The following HES2 variants were observed in gnomAD, a reference collection of about 807,000 sequenced individuals.
The protein encoded by HES2 is hes family bHLH transcription factor 2.
In HES2, 11 loss-of-function variants were observed where a neutral mutation model predicts 11.9. The ratio of observed to expected loss-of-function variants is 0.92; its 90% CI spans 0.58 to 1.53. The LOEUF (loss-of-function observed/expected upper bound fraction) is 1.53, where lower values mean the gene tolerates loss of function less well. Among genes scored for constraint, HES2 ranks in the 40% most tolerant of loss-of-function variants. The pLI, the probability that HES2 is intolerant of heterozygous loss-of-function variation, is 0.00. For missense variants in HES2, 260 were observed against 253.8 expected (o/e 1.02, Z -0.16); for synonymous variants, 125 against 122.8 (o/e 1.02, Z -0.12).
rs1642843294 is a variant in HES2, at chr1:6,416,005, T to G, written c.*2868A>C. ...GTTGGTCAGGCTGGTCTTGAACTCC[T>G]GACCTCAGGTGATCCGCCCACCTTG... is the stretch of plus-strand genomic sequence containing the variant. On this transcript the variant is annotated 3_prime_UTR_variant, in exon 4 of 4. Coordinates refer to ENST00000377834, the MANE Select transcript of HES2 (RefSeq NM_019089.5). 1 of 152,286 alleles carries G rather than the reference T, an allele frequency of 6.6e-6. No homozygotes were observed. Among genetic ancestry groups the G allele is most frequent in the Non-Finnish European group, 1.5e-5 (1 of 68,092 alleles). The allele number at this position is 152,286 out of a possible 1,614,324, so 9.4% of individuals were successfully genotyped here.
Position 6,419,345 on chromosome 1 carries a change from G to T in HES2, c.142-5C>A, listed in dbSNP as rs1432716002. 1 of 1,606,646 alleles carries T rather than the reference G, an allele frequency of 6.2e-7. No individual in the cohort carries two copies. Among genetic ancestry groups the T allele is most frequent in the South Asian group, 1.1e-5 (1 of 90,522 alleles). ...TAGCTTCGAGCAGTTGGAGTTCTGC[G>T]CCCGGCCACGAGGAAGAGCGACAGA... is the stretch of plus-strand genomic sequence containing the variant. On this transcript the variant is annotated splice_polypyrimidine_tract_variant and splice_region_variant and intron_variant, in intron 2 of 3. Transcript: ENST00000377834. The surrounding 1 kb of genome is among the most constrained non-coding windows in gnomAD (Gnocchi z 8.1).
In HES2 at chr1:6,419,464, C is replaced by T. The variant is rs1642886370; in HGVS notation, c.142-124G>A. 8.7e-7 allele frequency: 1 copy of T among 1,145,122 alleles called. No individual in the cohort carries two copies. Among genetic ancestry groups the T allele is most frequent in the Non-Finnish European group, 1.2e-6 (1 of 822,594 alleles). 70.9% of individuals were successfully genotyped at this position (1,145,122 alleles called of 1,614,324 possible). A position where few individuals can be genotyped will look rare whatever the true frequency, so the allele number is the denominator to read the frequency against. ...GGCGCGCCGTGGCCTGCTGGGGGTC[C>T]GCTCCGACGCGCCCACCCCACCCAG... On this transcript the variant is annotated intron_variant, in intron 2 of 3. Coordinates refer to ENST00000377834, the MANE Select transcript of HES2 (RefSeq NM_019089.5). The surrounding 1 kb of genome is among the most constrained non-coding windows in gnomAD (Gnocchi z 8.1).
Position 6,419,750 on chromosome 1 carries a change from C to G in HES2, c.45+26G>C. ...TTAGACGGGTCCCCGGAGTCCCCAG[C>G]CCCGCCCCCAGTCCCCGGTACCCAC... is the stretch of plus-strand genomic sequence containing the variant. On this transcript the variant is annotated intron_variant, in intron 1 of 3. Coordinates refer to ENST00000377834, the MANE Select transcript of HES2 (RefSeq NM_019089.5). The surrounding 1 kb of genome is among the most constrained non-coding windows in gnomAD (Gnocchi z 8.1). The G allele has an allele frequency of 6.4e-7, 1 of 1,553,950 alleles. No homozygotes were observed. The highest frequency in any genetic ancestry group is 1.2e-5 in the South Asian group (1 of 84,224).
At position 6,419,064 on chromosome 1, in the gene HES2, C is replaced by A; in HGVS notation, c.331G>T (p.Val111Leu). The change falls in exon 4 of 4, where the codon GTG becomes TTG. Residue 111 changes from valine to leucine, a missense_variant. Transcript: ENST00000377834. This position sits in a 1 kb window ranked among gnomAD's most constrained non-coding sequence, Gnocchi z 8.1. ...AGGTGCTCCAGCAGGCGCGCGCTCACGGCGGGCTCCAGGACACGGCAGGCG... is the reference window on the plus strand; with the variant it reads ...AGGTGCTCCAGCAGGCGCGCGCTCAAGGCGGGCTCCAGGACACGGCAGGCG... ...LPACRVLEPA[V>L]SARLLEHLWR... 3.4e-6 allele frequency: 5 copies of A among 1,479,068 alleles called. No homozygotes were observed. The highest frequency in any genetic ancestry group is 2.7e-6 in the Non-Finnish European group (3 of 1,124,150). The allele number at this position is 1,479,068 out of a possible 1,614,324, so 91.6% of individuals were successfully genotyped here. A position where few individuals can be genotyped will look rare whatever the true frequency, so the allele number is the denominator to read the frequency against.
At position 6,417,340 on chromosome 1, in the gene HES2, T is replaced by C. The variant is rs1642862811; in HGVS notation, c.*1533A>G. 1 of 149,724 alleles carries C rather than the reference T, an allele frequency of 6.7e-6. No individual in the cohort carries two copies. The highest frequency in any genetic ancestry group is 1.5e-5 in the Non-Finnish European group (1 of 67,374). The allele number at this position is 149,724 out of a possible 1,614,324, so 9.3% of individuals were successfully genotyped here. ...CACTCCCACATTGGTTCTGTCTTCT[T>C]GCCCCCGGTGCTCTGGTCCCTAGCA... On this transcript the variant is annotated 3_prime_UTR_variant, in exon 4 of 4. Transcript: ENST00000377834.
At position 6,415,903 on chromosome 1, in the gene HES2, C is replaced by G. The variant is rs370825813; in HGVS notation, c.*2970G>C. ...AACTGATTATCCCTCCTCAGCCTCCCAAGTAGCTGGGGTTACAGGCACCCG... is the reference window on the plus strand; with the variant it reads ...AACTGATTATCCCTCCTCAGCCTCCGAAGTAGCTGGGGTTACAGGCACCCG... On this transcript the variant is annotated 3_prime_UTR_variant, in exon 4 of 4. Coordinates refer to ENST00000377834, the MANE Select transcript of HES2 (RefSeq NM_019089.5). 1 of 152,286 alleles carries G rather than the reference C, an allele frequency of 6.6e-6. No individual in the cohort carries two copies. Among genetic ancestry groups the G allele is most frequent in the Admixed American group, 6.5e-5 (1 of 15,274 alleles). 9.4% of individuals were successfully genotyped at this position (152,286 alleles called of 1,614,324 possible).
Position 6,416,343 on chromosome 1 carries a change from T to C in HES2, c.*2530A>G, listed in dbSNP as rs1429161982. Reference sequence around the variant, plus strand: ...TGAGGAGGAGGTGCCTGCCACTGCCTGTGGAGGAGGATGTTGGCGTTCCTA... The same window carrying C: ...TGAGGAGGAGGTGCCTGCCACTGCCCGTGGAGGAGGATGTTGGCGTTCCTA... On this transcript the variant is annotated 3_prime_UTR_variant, in exon 4 of 4. Transcript: ENST00000377834. 6.6e-6 allele frequency: 1 copy of C among 152,392 alleles called. No individual in the cohort carries two copies. Among genetic ancestry groups the C allele is most frequent in the Non-Finnish European group, 1.5e-5 (1 of 68,174 alleles). 9.4% of individuals were successfully genotyped at this position (152,392 alleles called of 1,614,324 possible).
Position 6,415,381 on chromosome 1 carries a change from C to T in HES2, c.*3492G>A, listed in dbSNP as rs1032245736. The T allele has an allele frequency of 9.2e-5, 14 of 151,890 alleles. No homozygotes were observed. The highest frequency in any genetic ancestry group is 5.9e-4 in the Admixed American group (9 of 15,220). 9.4% of individuals were successfully genotyped at this position (151,890 alleles called of 1,614,324 possible). A position where few individuals can be genotyped will look rare whatever the true frequency, so the allele number is the denominator to read the frequency against. ...GCCCACTTTGTATCTGTGTGTCACA[C>T]TTTCGCAATTCTTGCAATATTTCAA... On this transcript the variant is annotated 3_prime_UTR_variant, in exon 4 of 4. Coordinates refer to ENST00000377834, the MANE Select transcript of HES2 (RefSeq NM_019089.5).
chr1:6,419,708 G>C lies in HES2; in HGVS notation c.46-6C>G. 1 of 1,552,922 alleles carries C rather than the reference G, an allele frequency of 6.4e-7. No homozygotes were observed. The highest frequency in any genetic ancestry group is 8.7e-7 in the Non-Finnish European group (1 of 1,151,864). The stretch of plus-strand genomic sequence containing the variant: ...TCCAGCAGCGGCTTCAGGCTCTGCG[G>C]ACGGGCGGCGCGGTGGTTAGACGGG... On this transcript the variant is annotated splice_polypyrimidine_tract_variant and splice_region_variant and intron_variant, in intron 1 of 3. Transcript: ENST00000377834. The surrounding 1 kb of genome is among the most constrained non-coding windows in gnomAD (Gnocchi z 8.1).
Position 6,419,230 on chromosome 1 carries a change from G to A in HES2, c.241+11C>T. 6.2e-7 allele frequency: 1 copy of A among 1,605,742 alleles called. No individual in the cohort carries two copies. The highest frequency in any genetic ancestry group is 2.2e-5 in the East Asian group (1 of 44,668). Reference sequence around the variant, plus strand: ...GCAGAGCGCGCGGCAGGGCAGGGAGGGCTCACTCACGGGGCGCTGCCGTGG... The same window carrying A: ...GCAGAGCGCGCGGCAGGGCAGGGAGAGCTCACTCACGGGGCGCTGCCGTGG... On this transcript the variant is annotated intron_variant, in intron 3 of 3. Transcript: ENST00000377834. The surrounding 1 kb of genome is among the most constrained non-coding windows in gnomAD (Gnocchi z 8.1).
At position 6,418,806 on chromosome 1, in the gene HES2, G is replaced by T. The variant is rs1234967503; in HGVS notation, c.*67C>A. Reference sequence around the variant, plus strand: ...TGATGGGAACAGCAGCCGCCACCAAGAGCTTCAACCTGTCCAGTGCCCCAA... The same window carrying T: ...TGATGGGAACAGCAGCCGCCACCAATAGCTTCAACCTGTCCAGTGCCCCAA... On this transcript the variant is annotated 3_prime_UTR_variant, in exon 4 of 4. Coordinates refer to ENST00000377834, the MANE Select transcript of HES2 (RefSeq NM_019089.5). The T allele has an allele frequency of 2.4e-6, 3 of 1,265,632 alleles. No homozygotes were observed. The East Asian group carries it at 9.4e-5, about 40-fold the overall frequency. 78.4% of individuals were successfully genotyped at this position (1,265,632 alleles called of 1,614,324 possible). A position where few individuals can be genotyped will look rare whatever the true frequency, so the allele number is the denominator to read the frequency against.
Position 6,419,784 on chromosome 1 carries a change from G to A in HES2, c.37C>T (p.Leu13=). The change falls in exon 1 of 4, where the codon CTG becomes TTG. Residue 13 remains leucine, a synonymous_variant. Coordinates refer to ENST00000377834, the MANE Select transcript of HES2 (RefSeq NM_019089.5). This position sits in a 1 kb window ranked among gnomAD's most constrained non-coding sequence, Gnocchi z 8.1. The part of the protein sequence containing the change: ...LPRRAGDAAE[L]RKSLKPLLEK... Reference sequence around the variant, plus strand: ...CAGTCCCCGGTACCCACCTTGCGCAGCTCCGCCGCGTCCCCTGCCCGGCGA... The same window carrying A: ...CAGTCCCCGGTACCCACCTTGCGCAACTCCGCCGCGTCCCCTGCCCGGCGA... 1.3e-6 allele frequency: 2 copies of A among 1,561,274 alleles called. No individual in the cohort carries two copies. Among genetic ancestry groups the A allele is most frequent in the East Asian group, 2.5e-5 (1 of 40,654 alleles).
At position 6,415,384 on chromosome 1, in the gene HES2, T is replaced by C. The variant is rs1243550051; in HGVS notation, c.*3489A>G. On this transcript the variant is annotated 3_prime_UTR_variant, in exon 4 of 4. Coordinates refer to ENST00000377834, the MANE Select transcript of HES2 (RefSeq NM_019089.5). ...CACTTTGTATCTGTGTGTCACACTT[T>C]CGCAATTCTTGCAATATTTCAAACT... is the stretch of plus-strand genomic sequence containing the variant. 2.0e-5 allele frequency: 3 copies of C among 152,138 alleles called. No individual in the cohort carries two copies. Among genetic ancestry groups the C allele is most frequent in the African/African-American group, 7.2e-5 (3 of 41,428 alleles). 9.4% of individuals were successfully genotyped at this position (152,138 alleles called of 1,614,324 possible). A position where few individuals can be genotyped will look rare whatever the true frequency, so the allele number is the denominator to read the frequency against.
chr1:6,419,893 C>T lies in HES2; in HGVS notation c.-73G>A. The T allele has an allele frequency of 6.9e-7, 1 of 1,450,226 alleles. No homozygotes were observed. Among genetic ancestry groups the T allele is most frequent in the Non-Finnish European group, 9.1e-7 (1 of 1,101,622 alleles). 89.8% of individuals were successfully genotyped at this position (1,450,226 alleles called of 1,614,324 possible). On this transcript the variant is annotated 5_prime_UTR_variant, in exon 1 of 4. Transcript: ENST00000377834. The surrounding 1 kb of genome is among the most constrained non-coding windows in gnomAD (Gnocchi z 8.1). Reference sequence around the variant, plus strand: ...CCGAGGTCCGAAATGAGGTCCCGGGCGCGGCCCGGGCTGGTGCCAGACGAG... The same window carrying T: ...CCGAGGTCCGAAATGAGGTCCCGGGTGCGGCCCGGGCTGGTGCCAGACGAG...
At position 6,416,347 on chromosome 1, in the gene HES2, G is replaced by A. The variant is rs1173269019; in HGVS notation, c.*2526C>T. Reference sequence around the variant, plus strand: ...GAGGAGGTGCCTGCCACTGCCTGTGGAGGAGGATGTTGGCGTTCCTATTTC... The same window carrying A: ...GAGGAGGTGCCTGCCACTGCCTGTGAAGGAGGATGTTGGCGTTCCTATTTC... On this transcript the variant is annotated 3_prime_UTR_variant, in exon 4 of 4. Transcript: ENST00000377834. 1 of 152,436 alleles carries A rather than the reference G, an allele frequency of 6.6e-6. No homozygotes were observed. Among genetic ancestry groups the A allele is most frequent in the South Asian group, 2.1e-4 (1 of 4,836 alleles). 9.4% of individuals were successfully genotyped at this position (152,436 alleles called of 1,614,324 possible). A position where few individuals can be genotyped will look rare whatever the true frequency, so the allele number is the denominator to read the frequency against.
In HES2 at chr1:6,419,508, C is replaced by T. The variant is rs2148495468; in HGVS notation, c.141+99G>A. On this transcript the variant is annotated intron_variant, in intron 2 of 3. Coordinates refer to ENST00000377834, the MANE Select transcript of HES2 (RefSeq NM_019089.5). The surrounding 1 kb of genome is among the most constrained non-coding windows in gnomAD (Gnocchi z 8.1). ...CACCCAGGCTCCGCCTCGGGCGCCG[C>T]GCGGAACCCCCTGGTGGGTTCCTCC... The T allele has an allele frequency of 8.0e-7, 1 of 1,247,534 alleles. No individual in the cohort carries two copies. Among genetic ancestry groups the T allele is most frequent in the Non-Finnish European group, 1.1e-6 (1 of 925,462 alleles). The allele number at this position is 1,247,534 out of a possible 1,614,324, so 77.3% of individuals were successfully genotyped here.
In HES2 at chr1:6,419,464, C is replaced by A; in HGVS notation, c.142-124G>T. ...GGCGCGCCGTGGCCTGCTGGGGGTC[C>A]GCTCCGACGCGCCCACCCCACCCAG... On this transcript the variant is annotated intron_variant, in intron 2 of 3. Transcript: ENST00000377834. This position sits in a 1 kb window ranked among gnomAD's most constrained non-coding sequence, Gnocchi z 8.1. 1 of 1,145,122 alleles carries A rather than the reference C, an allele frequency of 8.7e-7. No individual in the cohort carries two copies. Among genetic ancestry groups the A allele is most frequent in the Non-Finnish European group, 1.2e-6 (1 of 822,594 alleles). 70.9% of individuals were successfully genotyped at this position (1,145,122 alleles called of 1,614,324 possible).
chr1:6,419,446 C>A lies in HES2; in HGVS notation c.142-106G>T. Reference sequence around the variant, plus strand: ...GTCGGGAGCTGGGTGTGGGGCGCGCCGTGGCCTGCTGGGGGTCCGCTCCGA... The same window carrying A: ...GTCGGGAGCTGGGTGTGGGGCGCGCAGTGGCCTGCTGGGGGTCCGCTCCGA... On this transcript the variant is annotated intron_variant, in intron 2 of 3. Transcript: ENST00000377834. This position sits in a 1 kb window ranked among gnomAD's most constrained non-coding sequence, Gnocchi z 8.1. The A allele has an allele frequency of 8.3e-7, 1 of 1,206,292 alleles. No individual in the cohort carries two copies. The highest frequency in any genetic ancestry group is 1.2e-6 in the Non-Finnish European group (1 of 866,198). The allele number at this position is 1,206,292 out of a possible 1,614,324, so 74.7% of individuals were successfully genotyped here. A position where few individuals can be genotyped will look rare whatever the true frequency, so the allele number is the denominator to read the frequency against.
In HES2 at chr1:6,419,723, G is replaced by A. The variant is rs767388429; in HGVS notation, c.46-21C>T. ...AGGCTCTGCGGACGGGCGGCGCGGTGGTTAGACGGGTCCCCGGAGTCCCCA... is the reference window on the plus strand; with the variant it reads ...AGGCTCTGCGGACGGGCGGCGCGGTAGTTAGACGGGTCCCCGGAGTCCCCA... On this transcript the variant is annotated intron_variant, in intron 1 of 3. Coordinates refer to ENST00000377834, the MANE Select transcript of HES2 (RefSeq NM_019089.5). This position sits in a 1 kb window ranked among gnomAD's most constrained non-coding sequence, Gnocchi z 8.1. 1.7e-5 allele frequency: 27 copies of A among 1,550,768 alleles called. No individual in the cohort carries two copies. Among genetic ancestry groups the A allele is most frequent in the Non-Finnish European group, 2.2e-5 (25 of 1,151,296 alleles).
Sources: allele counts gnomAD v4.1 joint callset, GRCh38; gene constraint gnomAD v4.1.1; non-coding constraint Gnocchi (gnomAD v3.1); transcripts MANE v1.5; gene names NCBI Gene and HGNC (gene_info 2026-07-23, HGNC 2026-07-21).